The following SMARCAL1 variants were observed in gnomAD, a reference collection of about 807,000 sequenced individuals.
SMARCAL1 encodes ATP-driven annealing helicase.
In SMARCAL1, 58 loss-of-function variants were observed where a neutral mutation model predicts 94.5. The ratio of observed to expected loss-of-function variants is 0.61; its 90% CI spans 0.50 to 0.76. SMARCAL1 has a LOEUF of 0.76. SMARCAL1 is among the 30% of genes least tolerant of loss of function. SMARCAL1 has a pLI of 0.00. For synonymous variants in SMARCAL1, 422 were observed against 455.1 expected, an observed-to-expected ratio of 0.93 and a Z score of 0.93; for missense variants, 1,051 against 1,177.9, an observed-to-expected ratio of 0.89 and a Z score of 1.58.
At chr2:216,437,715 C>T (rs1574460102) in intron 9 of SMARCAL1, among the ~76,000 whole-genome samples, 1 of 151,888 alleles carries the variant, frequency 6.6e-6, no homozygotes, top group Non-Finnish European at 1.5e-5. Context: ...ACTCATTTGG[C>T]TTTAGAAAAT....
At chr2:216,422,758 T>G (rs1244520327) in intron 5 of SMARCAL1, among the ~76,000 whole-genome samples, 1 of 152,244 alleles carries the variant, frequency 6.6e-6, no homozygotes, top group South Asian at 2.1e-4. Flanking sequence ...GAATGAACTT[T>G]TGCTGCCCAG....
chr2:216,467,342 A>G (rs1694849561), intron 13 of SMARCAL1, among the ~76,000 whole-genome samples: 1 of 151,954 alleles, frequency 6.6e-6, no homozygotes, highest in East Asian at 1.9e-4. Flanking sequence ...GTTGTGGTAC[A>G]CACCTGTAAT....
At position 216,475,271 on chromosome 2, in the gene SMARCAL1, C is replaced by G; in HGVS notation, c.2247C>G (p.His749Gln). Residue 749 changes from histidine (H) to glutamine (Q), a missense_variant and splice_region_variant, in exon 15 of 18, where the codon CAC (histidine) becomes CAG (glutamine). His to Gln is a conservative substitution (Grantham distance 24). Transcript: ENST00000357276. This position sits in a 1 kb window ranked among gnomAD's most constrained non-coding sequence, Gnocchi z 4.4. ...GCTTCTGCCCCTTGTTCCTGCAGCA[C>G]GTGCAGCACATCCGCATCGATGGCT... Reference protein sequence around the residue: ...DAITQELERKHVQHIRIDGST... With the variant: ...DAITQELERKQVQHIRIDGST... The G allele has an allele frequency of 6.2e-7, 1 of 1,614,160 alleles. No individual in the cohort carries two copies. Among genetic ancestry groups the G allele is most frequent in the South Asian group, 1.1e-5 (1 of 91,088 alleles).
chr2:216,443,536 T>A (rs1418278955), intron 10 of SMARCAL1, among the ~76,000 whole-genome samples: 1 of 152,252 alleles, frequency 6.6e-6, no homozygotes, highest in African/African-American at 2.4e-5. Flanking sequence ...TGTGGCATGA[T>A]AATTTCATTT....
At chr2:216,451,617 C>T (rs1477049238) in intron 12 of SMARCAL1, 1 of 166,632 alleles carries the variant, frequency 6.0e-6, no homozygotes, top group Non-Finnish European at 1.3e-5. Flanking sequence ...AACTGAGGCT[C>T]ACAGAGATTG....
chr2:216,428,569 C>T (rs753964687), intron 6 of SMARCAL1, 27 bp from the exon 7 acceptor site: 16 of 1,610,092 alleles, frequency 9.9e-6, no homozygotes, highest in South Asian at 4.4e-5. Context: ...AACACTCCAG[C>T]TCATATGCTT....
In SMARCAL1 at chr2:216,475,416, C is replaced by G. The variant is rs1275932268; in HGVS notation, c.2392C>G (p.Leu798Val). 6.2e-6 allele frequency: 10 copies of G among 1,614,062 alleles called. No homozygotes were observed. Among genetic ancestry groups the G allele is most frequent in the Non-Finnish European group, 8.5e-6 (10 of 1,180,036 alleles). The change falls in exon 15 of 18, where the codon CTG (leucine) becomes GTG (valine). Residue 798 changes from leucine (L) to valine (V), a missense_variant. By Grantham distance (32) the Leu-to-Val change is conservative (BLOSUM62 1). This residue lies in a region of SMARCAL1 where 642 missense variants were observed against 754.7 expected (regional missense o/e 0.85). Coordinates refer to ENST00000357276, the MANE Select transcript of SMARCAL1 (RefSeq NM_014140.4). The surrounding 1 kb of genome is among the most constrained non-coding windows in gnomAD (Gnocchi z 4.4). ...GGGCCTCACCTTCTCCTCGGCTGAC[C>G]TGGTGGTGTTTGCTGAGCTGTTTTG... is the stretch of plus-strand genomic sequence containing the variant. ...NMGLTFSSAD[L>V]VVFAELFWNP...
At chr2:216,458,386 G>T (rs1474384909) in intron 12 of SMARCAL1, among the ~76,000 whole-genome samples, 2 of 152,058 alleles carry the variant, frequency 1.3e-5, no homozygotes, top group African/African-American at 4.8e-5. Flanking sequence ...AACAAAAAAA[G>T]AATTTTAGAC....
intron 2 of SMARCAL1, 136 bp from the exon 3 acceptor site, chr2:216,414,511 A>T: frequency 1.6e-6 from 1 of 610,726 alleles, no homozygotes. Flanking sequence ...GTGTGCAATT[A>T]TAAAAGAAAC....
chr2:216,451,113 TC>T, intron 12 of SMARCAL1, 49 bp downstream of exon 12: 3 of 1,485,414 alleles, frequency 2.0e-6, no homozygotes, highest in Non-Finnish European at 2.8e-6. Flanking sequence ...GTCTAGGTGT[TC>T]CTTTCCATGA....
At chr2:216,430,166 C>G (rs920141792) in intron 7 of SMARCAL1, among the ~76,000 whole-genome samples, 1 of 152,140 alleles carries the variant, frequency 6.6e-6, no homozygotes, top group African/African-American at 2.4e-5. Context: ...GTTTCTCTCT[C>G]TGTGGCTCTA....
chr2:216,421,863 A>G (rs1329900705), intron 5 of SMARCAL1, among the ~76,000 whole-genome samples: 1 of 152,220 alleles, frequency 6.6e-6, no homozygotes, highest in Non-Finnish European at 1.5e-5. Flanking sequence ...TGCTTGCTTA[A>G]CAAGAGCTTT....
At chr2:216,481,219 G>T (rs903777615) in intron 17 of SMARCAL1, among the ~76,000 whole-genome samples, 2 of 152,020 alleles carry the variant, frequency 1.3e-5, no homozygotes, top group African/African-American at 4.8e-5. Flanking sequence ...TAGAGACAGG[G>T]TCTCACTCTG....
chr2:216,433,827 CT>C (rs890186773), intron 8 of SMARCAL1, among the ~76,000 whole-genome samples: 4 of 151,796 alleles, frequency 2.6e-5, no homozygotes, highest in African/African-American at 9.7e-5. Flanking sequence ...GGACTTCTTC[CT>C]GAGGCCTCCA....
intron 14 of SMARCAL1, among the ~76,000 whole-genome samples, chr2:216,470,838 CAAAAAAAAAAAAAAAAAAA>C (rs55763206): frequency 2.1e-5 from 1 of 48,074 alleles, no homozygotes; most frequent in African/African-American, 1.0e-4. Context: ...AAGAACATCT[CAAAAAAAAAAAAAAAAAAA>C]AAAAAAAAAG....
rs1377247631 is a variant in SMARCAL1 at position 216,476,312 on chromosome 2, G to GT, written c.2428-797_2428-796insT. 4.5e-5 allele frequency among the ~76,000 whole-genome samples: 6 copies of GT among 132,328 alleles called. No homozygotes were observed. In the East Asian group the frequency reaches 6.8e-4, roughly 15 times the overall value. 86.8% of individuals were successfully genotyped at this position (132,328 alleles called of 152,430 possible). On this transcript the variant is annotated intron_variant, in intron 15 of 17. Transcript: ENST00000357276. ...AGAAATAATGCTCATGATGTTAGGT[G>GT]GTTTTTTTTTTCTTTTGCTTTTTTG... is the stretch of plus-strand genomic sequence containing the variant.
chr2:216,464,660 T>C lies in SMARCAL1; in HGVS notation c.2134T>C (p.Ser712Pro). Residue 712 changes from serine to proline, a missense_variant, in exon 13 of 18, where the codon TCT becomes CCT. By Grantham distance (74) the Ser-to-Pro change is moderately conservative. Coordinates refer to ENST00000357276, the MANE Select transcript of SMARCAL1 (RefSeq NM_014140.4). The part of the protein sequence containing the change: ...FNRTAEAKIP[S>P]VIEYILDLLE... ...CAGAACAGCTGAAGCTAAAATCCCA[T>C]CTGTCATGTAAGTGGTCACTAAGTG... 1 of 1,608,920 alleles carries C rather than the reference T, an allele frequency of 6.2e-7. No homozygotes were observed. Among genetic ancestry groups the C allele is most frequent in the Non-Finnish European group, 8.5e-7 (1 of 1,176,356 alleles).
chr2:216,426,947 G>T (rs545613973), intron 6 of SMARCAL1: 1 of 152,254 alleles, frequency 6.6e-6, no homozygotes, highest in Non-Finnish European at 1.5e-5. Flanking sequence ...TGAAGCAGTG[G>T]GAGTTATTTT....
At chr2:216,432,378 T>C (rs370288662) in intron 7 of SMARCAL1, among the ~76,000 whole-genome samples, 10 of 152,214 alleles carry the variant, frequency 6.6e-5, no homozygotes, top group African/African-American at 1.9e-4. Context: ...CCCTCCTCCA[T>C]GTACGTCCCC....
Sources: allele counts gnomAD v4.1 joint callset (sites outside exome capture counted in the v4.1 genomes callset), GRCh38; gene constraint gnomAD v4.1.1; regional missense constraint gnomAD v4.1.1; non-coding constraint Gnocchi (gnomAD v3.1); transcripts MANE v1.5; gene names NCBI Gene and HGNC (gene_info 2026-07-23, HGNC 2026-07-21).